ANTXR1: variants seen among roughly 807,000 people sequenced by gnomAD.
ANTXR1 encodes anthrax toxin receptor 1.
A neutral mutation model predicts 78.1 loss-of-function variants in ANTXR1; 19 were observed. The observed-to-expected ratio is 0.24, with a 90% CI of 0.17 to 0.36. The LOEUF (loss-of-function observed/expected upper bound fraction) is 0.36, where lower values mean the gene tolerates loss of function less well. Ranked by LOEUF, ANTXR1 falls within the 10% of genes least tolerant of loss-of-function variation. The pLI, the probability that ANTXR1 is intolerant of heterozygous loss-of-function variation, is 1.00. For synonymous variants in ANTXR1, 273 were observed against 260.5 expected, an observed-to-expected ratio of 1.05 and a Z score of -0.46; for missense variants, 518 against 718.6, an observed-to-expected ratio of 0.72 and a Z score of 3.19.
chr2:69,175,833 GATT>G (rs1674105857), intron 14 of ANTXR1, among the ~76,000 whole-genome samples: 1 of 152,092 alleles, frequency 6.6e-6, no homozygotes, highest in East Asian at 1.9e-4. Context: ...CTTATTTTCA[GATT>G]TATTATTATG....
At position 69,022,249 on chromosome 2, in the gene ANTXR1, A is replaced by G. The variant is rs572031310; in HGVS notation, c.152+8598A>G. Among the ~76,000 whole-genome samples, 6 of 152,328 alleles carry G rather than the reference A, an allele frequency of 3.9e-5. No homozygotes were observed. In the South Asian group the frequency reaches 1.2e-3, roughly 32 times the overall value. Reference sequence around the variant, plus strand: ...TTGAATCAAGAGTATCTGGGCTCCTACTAGTGCTTCTCAATGAGGGTGCTG... The same window carrying G: ...TTGAATCAAGAGTATCTGGGCTCCTGCTAGTGCTTCTCAATGAGGGTGCTG... On this transcript the variant is annotated intron_variant, in intron 1 of 17. Transcript: ENST00000303714.
chr2:69,152,380 T>C lies in ANTXR1; in HGVS notation c.1047+116T>C. 5 of 1,030,164 alleles carry C rather than the reference T, an allele frequency of 4.9e-6. No individual in the cohort carries two copies. In the Admixed American group the frequency reaches 9.4e-5, roughly 19 times the overall value. The allele number at this position is 1,030,164 out of a possible 1,614,324, so 63.8% of individuals were successfully genotyped here. ...AAAGATGGGAGACAAATCTTGCATT[T>C]TTTATACAATTTATACAAAATTGAT... On this transcript the variant is annotated intron_variant, in intron 13 of 17. Transcript: ENST00000303714.
At chr2:69,030,597 T>G (rs1308044096) in intron 1 of ANTXR1, among the ~76,000 whole-genome samples, 1 of 152,312 alleles carries the variant, frequency 6.6e-6, no homozygotes. Flanking sequence ...AGATAAAAAC[T>G]GTATCTCAGC....
At chr2:69,029,698 G>T (rs112198504) in intron 1 of ANTXR1, among the ~76,000 whole-genome samples, 120 of 152,060 alleles carry the variant, frequency 7.9e-4, no homozygotes, top group African/African-American at 2.8e-3. Flanking sequence ...AAATTCCTTA[G>T]TCAGGCTTTA....
At chr2:69,091,300 G>A (rs1671227134) in intron 9 of ANTXR1, among the ~76,000 whole-genome samples, 1 of 151,750 alleles carries the variant, frequency 6.6e-6, no homozygotes, top group South Asian at 2.1e-4. Flanking sequence ...AATTAGCCAG[G>A]TGTGATGGCG....
chr2:69,054,521 T>C (rs892897467), intron 3 of ANTXR1, among the ~76,000 whole-genome samples: 1 of 152,198 alleles, frequency 6.6e-6, no homozygotes, highest in African/African-American at 2.4e-5. Flanking sequence ...GGTACGAGGT[T>C]AAGTATCTTG....
intron 10 of ANTXR1, among the ~76,000 whole-genome samples, chr2:69,121,316 A>G (rs541203294): frequency 6.6e-6 from 1 of 152,356 alleles, no homozygotes; most frequent in Non-Finnish European, 1.5e-5. Flanking sequence ...CCTGCCTCCT[A>G]TAAAATCCAT....
At chr2:69,196,662 C>T (rs1674674636) in intron 17 of ANTXR1, among the ~76,000 whole-genome samples, 2 of 152,164 alleles carry the variant, frequency 1.3e-5, no homozygotes, top group Admixed American at 1.3e-4. Context: ...TGGAGCTGAC[C>T]ACATTTTCCA....
intron 3 of ANTXR1, among the ~76,000 whole-genome samples, chr2:69,045,713 T>A (rs528932018): frequency 6.6e-6 from 1 of 152,110 alleles, no homozygotes; most frequent in South Asian, 2.1e-4. Flanking sequence ...CTAGTCCCTA[T>A]TTTTTTTCCC....
rs75566183 is a variant in ANTXR1 at position 69,039,752 on chromosome 2, A to G, written c.153-292A>G. Among the ~76,000 whole-genome samples the G allele has an allele frequency of 4.0e-3, 603 of 149,420 alleles. 5 individuals are homozygous for G. The highest frequency in any genetic ancestry group is 0.014 in the African/African-American group (581 of 40,424). The stretch of plus-strand genomic sequence containing the variant: ...TCGAAGACGCAAAACTCATTTGTGA[A>G]TCTCTTTGGGCCCAGCGTTTGTTGT... On this transcript the variant is annotated intron_variant, in intron 1 of 17. Coordinates refer to ENST00000303714, the MANE Select transcript of ANTXR1 (RefSeq NM_032208.3).
intron 17 of ANTXR1, among the ~76,000 whole-genome samples, chr2:69,236,604 G>A (rs1399488884): frequency 6.6e-6 from 1 of 152,182 alleles, no homozygotes; most frequent in Non-Finnish European, 1.5e-5. Context: ...CTGTTAAAAT[G>A]TGCATAAACT....
intron 3 of ANTXR1, among the ~76,000 whole-genome samples, chr2:69,052,883 G>T (rs1669965192): frequency 6.6e-6 from 1 of 151,992 alleles, no homozygotes. Flanking sequence ...CAGTCACCCA[G>T]CTTACTTTTC....
chr2:69,074,240 C>G (rs1442794226), intron 6 of ANTXR1, among the ~76,000 whole-genome samples: 1 of 152,178 alleles, frequency 6.6e-6, no homozygotes, highest in Non-Finnish European at 1.5e-5. Flanking sequence ...GGTAATATGA[C>G]AGACACTCCC....
chr2:69,042,409 G>A (rs1307913592), intron 2 of ANTXR1, among the ~76,000 whole-genome samples: 1 of 152,038 alleles, frequency 6.6e-6, no homozygotes, highest in Non-Finnish European at 1.5e-5. Flanking sequence ...ACTAGTCTCT[G>A]AGATCCAAGT....
rs537060806 is a variant in ANTXR1, at chr2:69,080,658, C to A, written c.642+3170C>A. Among the ~76,000 whole-genome samples the A allele has an allele frequency of 2.0e-5, 3 of 152,190 alleles. No individual in the cohort carries two copies. The East Asian group carries it at 5.8e-4, about 29-fold the overall frequency. The stretch of plus-strand genomic sequence containing the variant: ...TCCAGTGGGAGAGACACATTAAAAA[C>A]AAGTAAATAAATAATCATGTGGAAT... On this transcript the variant is annotated intron_variant, in intron 8 of 17. Coordinates refer to ENST00000303714, the MANE Select transcript of ANTXR1 (RefSeq NM_032208.3).
intron 8 of ANTXR1, among the ~76,000 whole-genome samples, chr2:69,083,262 G>C (rs1670949945): frequency 6.6e-6 from 1 of 152,240 alleles, no homozygotes; most frequent in African/African-American, 2.4e-5. Flanking sequence ...GTCCTGGAAA[G>C]TGTCTGCCTT....
At position 69,091,834 on chromosome 2, in the gene ANTXR1, C is replaced by T. The variant is rs147091268; in HGVS notation, c.703+915C>T. Among the ~76,000 whole-genome samples, 286 of 152,310 alleles carry T rather than the reference C, an allele frequency of 1.9e-3. 1 individual carries two copies. The highest frequency in any genetic ancestry group is 6.6e-3 in the African/African-American group (274 of 41,564). On this transcript the variant is annotated intron_variant, in intron 9 of 17. Coordinates refer to ENST00000303714, the MANE Select transcript of ANTXR1 (RefSeq NM_032208.3). Reference sequence around the variant, plus strand: ...TAAAGAATTAGCCTTCTTCGAGTCACAAGATTTTCTCTAACTGATCAAAAT... The same window carrying T: ...TAAAGAATTAGCCTTCTTCGAGTCATAAGATTTTCTCTAACTGATCAAAAT...
At chr2:69,029,239 A>G (rs947864290) in intron 1 of ANTXR1, among the ~76,000 whole-genome samples, 36 of 151,506 alleles carry the variant, frequency 2.4e-4, no homozygotes, top group African/African-American at 8.5e-4. Flanking sequence ...AAATAAAATA[A>G]AATAATGAGT....
At chr2:69,226,134 A>G (rs1299504682) in intron 17 of ANTXR1, among the ~76,000 whole-genome samples, 1 of 152,168 alleles carries the variant, frequency 6.6e-6, no homozygotes, top group Non-Finnish European at 1.5e-5. Context: ...TGGTAGCCAT[A>G]GCTCGGGGGA....
Sources: allele counts gnomAD v4.1 joint callset (sites outside exome capture counted in the v4.1 genomes callset), GRCh38; gene constraint gnomAD v4.1.1; transcripts MANE v1.5; gene names NCBI Gene and HGNC (gene_info 2026-07-23, HGNC 2026-07-21).